The following DCC variants were observed in gnomAD, a reference collection of about 807,000 sequenced individuals.
DCC encodes DCC netrin 1 receptor.
Under a neutral mutation model 172.5 loss-of-function variants are expected in DCC, and 58 were observed. The ratio of observed to expected loss-of-function variants is 0.34; its 90% CI spans 0.27 to 0.42. DCC has a LOEUF of 0.42. Among genes scored for constraint, DCC ranks in the 10% least tolerant of loss-of-function variants. The probability of loss-of-function intolerance (pLI) is 1.00; values close to 1 mark genes in which losing one functional copy is unlikely to be tolerated. For missense variants in DCC, 1,740 were observed against 1,791.0 expected (o/e 0.97, Z 0.51); for synonymous variants, 709 against 644.5 (o/e 1.10, Z -1.52).
chr18:52,655,447 A>G (rs945914911), intron 1 of DCC, among the ~76,000 whole-genome samples: 1 of 152,146 alleles, frequency 6.6e-6, no homozygotes, highest in Non-Finnish European at 1.5e-5. Context: ...GGCACTTGTG[A>G]CCTTGGACAA....
chr18:53,379,186 G>A (rs370149357), intron 15 of DCC, among the ~76,000 whole-genome samples: 6 of 152,326 alleles, frequency 3.9e-5, no homozygotes, highest in African/African-American at 1.4e-4. Flanking sequence ...CAATGAGCAG[G>A]TATCTGCGTT....
chr18:52,520,928 A>G (rs2031792866), intron 1 of DCC, among the ~76,000 whole-genome samples: 1 of 152,170 alleles, frequency 6.6e-6, no homozygotes, highest in Non-Finnish European at 1.5e-5. Context: ...ACAGTTTTGG[A>G]AATTGCCATA....
At chr18:52,430,341 G>A (rs1987579016) in intron 1 of DCC, among the ~76,000 whole-genome samples, 2 of 138,030 alleles carry the variant, frequency 1.4e-5, no homozygotes, top group South Asian at 2.6e-4. Flanking sequence ...CCAAGGCAAC[G>A]GTGGTGAGGG....
intron 2 of DCC, among the ~76,000 whole-genome samples, chr18:52,895,006 G>A (rs967601752): frequency 2.0e-5 from 3 of 152,218 alleles, no homozygotes; most frequent in Admixed American, 6.5e-5. Flanking sequence ...CTGACTGAAT[G>A]AGTGGGTGAT....
chr18:53,340,626 G>C (rs566239732), intron 15 of DCC, among the ~76,000 whole-genome samples: 1 of 152,258 alleles, frequency 6.6e-6, no homozygotes, highest in African/African-American at 2.4e-5. Context: ...GTGTGTAAAA[G>C]TGTTCATATT....
chr18:52,718,503 G>A (rs1260712841), intron 1 of DCC, among the ~76,000 whole-genome samples: 3 of 152,092 alleles, frequency 2.0e-5, no homozygotes, highest in South Asian at 2.1e-4. Context: ...CTGAAAGCAC[G>A]TGGTATCTGC....
At chr18:53,221,358 C>T (rs556263932) in intron 12 of DCC, among the ~76,000 whole-genome samples, 4 of 152,046 alleles carry the variant, frequency 2.6e-5, no homozygotes, top group East Asian at 1.9e-4. Context: ...TTTGAAGCCA[C>T]GAGATTTTAG....
chr18:52,387,916 T>C (rs986846535), intron 1 of DCC, among the ~76,000 whole-genome samples: 1 of 152,060 alleles, frequency 6.6e-6, no homozygotes, highest in Non-Finnish European at 1.5e-5. Context: ...AGTAAATGTT[T>C]TCCTTTGCTC....
intron 9 of DCC, among the ~76,000 whole-genome samples, chr18:53,188,788 C>T (rs1056366011): frequency 2.6e-5 from 4 of 152,102 alleles, no homozygotes; most frequent in African/African-American, 4.8e-5. Context: ...TTGCCTCTTC[C>T]TAGCTTCTGG....
At chr18:53,097,117 A>G (rs1458968939) in intron 7 of DCC, among the ~76,000 whole-genome samples, 2 of 152,232 alleles carry the variant, frequency 1.3e-5, no homozygotes, top group African/African-American at 4.8e-5. Context: ...TACTGTGCCC[A>G]TGCAATAATA....
At chr18:53,128,870 C>CACATATATATAT (rs1300738812) in intron 7 of DCC, among the ~76,000 whole-genome samples, 33 of 77,456 alleles carry the variant, frequency 4.3e-4, no homozygotes, top group Non-Finnish European at 4.8e-4. Context: ...CACACACACA[C>CACATATATATAT]ATATATATAT....
intron 9 of DCC, among the ~76,000 whole-genome samples, chr18:53,180,288 AG>A (rs1474169354): frequency 6.6e-6 from 1 of 152,214 alleles, no homozygotes; most frequent in Non-Finnish European, 1.5e-5. Context: ...GGGACGGAAG[AG>A]GGCTAAGTTG....
chr18:52,626,208 A>T (rs554660562), intron 1 of DCC, among the ~76,000 whole-genome samples: 1 of 152,124 alleles, frequency 6.6e-6, no homozygotes, highest in Non-Finnish European at 1.5e-5. Context: ...CCAGAGCACA[A>T]TTCTTTATTT....
At chr18:53,244,758 G>A (rs2056345918) in intron 12 of DCC, among the ~76,000 whole-genome samples, 1 of 152,000 alleles carries the variant, frequency 6.6e-6, no homozygotes, top group Non-Finnish European at 1.5e-5. Flanking sequence ...ATGGTTCATT[G>A]GGGTCCCTTT....
intron 1 of DCC, among the ~76,000 whole-genome samples, chr18:52,602,005 T>C (rs1568250140): frequency 6.6e-6 from 1 of 152,070 alleles, no homozygotes; most frequent in Admixed American, 6.6e-5. Context: ...GGATCAGTAA[T>C]CATCACTGCA....
chr18:53,157,062 T>C (rs3819116), intron 7 of DCC, among the ~76,000 whole-genome samples: 63,889 of 152,012 alleles, frequency 0.42, 14,196 homozygotes, highest in East Asian at 0.71. Context: ...TCTCCCCTTT[T>C]CTTCCCTGAG....
intron 7 of DCC, among the ~76,000 whole-genome samples, chr18:53,109,404 T>C (rs185886469): frequency 2.0e-5 from 3 of 151,836 alleles, no homozygotes; most frequent in East Asian, 3.9e-4. Context: ...TCAATATTTA[T>C]TAAATCCTCT....
chr18:52,791,110 A>T (rs2037758088), intron 2 of DCC, among the ~76,000 whole-genome samples: 1 of 152,186 alleles, frequency 6.6e-6, no homozygotes, highest in African/African-American at 2.4e-5. Flanking sequence ...AAGGGCCAGG[A>T]TGCTCAATGG....
At chr18:53,275,428 A>AAG (rs2056793853) in intron 12 of DCC, among the ~76,000 whole-genome samples, 1 of 152,144 alleles carries the variant, frequency 6.6e-6, no homozygotes, top group Non-Finnish European at 1.5e-5. Flanking sequence ...CCTGAATTCT[A>AAG]CAGTCTAACT....
Sources: allele counts gnomAD v4.1 joint callset (sites outside exome capture counted in the v4.1 genomes callset), GRCh38; gene constraint gnomAD v4.1.1; transcripts MANE v1.5; gene names NCBI Gene and HGNC (gene_info 2026-07-23, HGNC 2026-07-21).